Variants in BMF observed in about 807,000 individuals in gnomAD.
BMF encodes Bcl2 modifying factor, also known as bcl-2-modifying factor.
A neutral mutation model predicts 22.0 loss-of-function variants in BMF; 10 were observed. The ratio of observed to expected loss-of-function variants is 0.45; its 90% CI spans 0.28 to 0.77. The LOEUF (loss-of-function observed/expected upper bound fraction) is 0.77, where lower values mean the gene tolerates loss of function less well. BMF is among the 30% of genes least tolerant of loss of function. The pLI is 0.13. For synonymous variants in BMF, 87 were observed against 88.1 expected, an observed-to-expected ratio of 0.99 and a Z score of 0.07; for missense variants, 206 against 226.8, an observed-to-expected ratio of 0.91 and a Z score of 0.59.
Position 40,091,579 on chromosome 15 carries a change from A to T in BMF, c.*208T>A, listed in dbSNP as rs1178144182. 5.7e-6 allele frequency: 3 copies of T among 529,152 alleles called. No homozygotes were observed. The highest frequency in any genetic ancestry group is 1.0e-5 in the Non-Finnish European group (3 of 295,614). 32.8% of individuals were successfully genotyped at this position (529,152 alleles called of 1,614,324 possible). ...CCTCTCCTTCAACAGTGTTTGACAA[A>T]GGCCCCCATTCCAGGTCAAGGGCCT... is the stretch of plus-strand genomic sequence containing the variant. On this transcript the variant is annotated 3_prime_UTR_variant, in exon 5 of 5. Coordinates refer to ENST00000354670, the MANE Select transcript of BMF (RefSeq NM_001003940.2).
At chr15:40,099,013 G>A (rs1298077140) in intron 4 of BMF, among the ~76,000 whole-genome samples, 6 of 152,178 alleles carry the variant, frequency 3.9e-5, no homozygotes, top group Non-Finnish European at 5.9e-5. Flanking sequence ...CTGGCTCTCC[G>A]CAGTCCCTCC....
intron 4 of BMF, among the ~76,000 whole-genome samples, chr15:40,101,889 G>C (rs987463357): frequency 3.3e-5 from 5 of 152,152 alleles, no homozygotes; most frequent in Non-Finnish European, 7.3e-5. Context: ...GCTAGAAAAG[G>C]CTCACTGGTC....
Position 40,106,382 on chromosome 15 carries a change from C to G in BMF, c.-5-291G>C, listed in dbSNP as rs2036588126. On this transcript the variant is annotated intron_variant, in intron 2 of 4. Transcript: ENST00000354670. The surrounding 1 kb of genome is among the most constrained non-coding windows in gnomAD (Gnocchi z 4.1). ...CCTAGGCCGGTCACAAAGTTTGACT[C>G]TGAGGGTTGTGAGCAATAGCAGGAG... The G allele has an allele frequency of 3.1e-6, 1 of 324,968 alleles. No individual in the cohort carries two copies. Among genetic ancestry groups the G allele is most frequent in the Non-Finnish European group, 5.7e-6 (1 of 176,092 alleles). 20.1% of individuals were successfully genotyped at this position (324,968 alleles called of 1,614,324 possible). A position where few individuals can be genotyped will look rare whatever the true frequency, so the allele number is the denominator to read the frequency against.
At chr15:40,093,055 G>C (rs961552266) in intron 4 of BMF, among the ~76,000 whole-genome samples, 5 of 152,242 alleles carry the variant, frequency 3.3e-5, no homozygotes, top group Non-Finnish European at 5.9e-5. Context: ...CTCCTGGTCA[G>C]ATGGGAAGAG....
At chr15:40,092,490 C>G (rs1303346159) in intron 4 of BMF, among the ~76,000 whole-genome samples, 1 of 152,178 alleles carries the variant, frequency 6.6e-6, no homozygotes. Flanking sequence ...TGTGCGCCCG[C>G]CCGCTCTCCC....
intron 4 of BMF, 145 bp from the exon 5 acceptor site, chr15:40,092,033 GGGGA>G: frequency 1.6e-6 from 1 of 642,972 alleles, no homozygotes; most frequent in Non-Finnish European, 2.7e-6. Context: ...CGGGGAGGAG[GGGGA>G]GGTGAAAGAG....
intron 3 of BMF, among the ~76,000 whole-genome samples, 199 bp downstream of exon 3, chr15:40,105,596 G>A (rs2036569531): frequency 6.6e-6 from 1 of 152,220 alleles, no homozygotes; most frequent in African/African-American, 2.4e-5. Context: ...TCCAGGAGGG[G>A]ACAATTTGCC....
At chr15:40,095,379 A>T (rs1369213436) in intron 4 of BMF, among the ~76,000 whole-genome samples, 1 of 152,246 alleles carries the variant, frequency 6.6e-6, no homozygotes, top group Non-Finnish European at 1.5e-5. Flanking sequence ...GTTGGCCTTC[A>T]CTGAACAGGA....
rs1272045609 is a variant in BMF, at chr15:40,102,155, G to A, written c.453+2025C>T. Among the ~76,000 whole-genome samples, 12 of 152,286 alleles carry A rather than the reference G, an allele frequency of 7.9e-5. 1 individual carries two copies. The South Asian group carries it at 1.7e-3, about 21-fold the overall frequency. ...CAGCAAAAAGCAGGGCAAGGCAGGC[G>A]CAGTGGCTCACGCCTGTAGTCCCAG... On this transcript the variant is annotated intron_variant, in intron 4 of 4. Coordinates refer to ENST00000354670, the MANE Select transcript of BMF (RefSeq NM_001003940.2).
intron 4 of BMF, among the ~76,000 whole-genome samples, chr15:40,093,414 A>AGGGT (rs1441920246): frequency 2.0e-5 from 3 of 152,242 alleles, no homozygotes; most frequent in Non-Finnish European, 4.4e-5. Context: ...TGGCAGACAG[A>AGGGT]GGGTGGGGAG....
At position 40,106,403 on chromosome 15, in the gene BMF, A is replaced by G. The variant is rs1003342573; in HGVS notation, c.-5-312T>C. On this transcript the variant is annotated intron_variant, in intron 2 of 4. Coordinates refer to ENST00000354670, the MANE Select transcript of BMF (RefSeq NM_001003940.2). This position sits in a 1 kb window ranked among gnomAD's most constrained non-coding sequence, Gnocchi z 4.1. ...GACTCTGAGGGTTGTGAGCAATAGCAGGAGTAGAATCAGCAGCTATATGCA... is the reference window on the plus strand; with the variant it reads ...GACTCTGAGGGTTGTGAGCAATAGCGGGAGTAGAATCAGCAGCTATATGCA... 4 of 288,520 alleles carry G rather than the reference A, an allele frequency of 1.4e-5. No homozygotes were observed. The highest frequency in any genetic ancestry group is 2.6e-5 in the Non-Finnish European group (4 of 152,936). 17.9% of individuals were successfully genotyped at this position (288,520 alleles called of 1,614,324 possible).
At chr15:40,093,935 G>A (rs2036301789) in intron 4 of BMF, among the ~76,000 whole-genome samples, 1 of 152,194 alleles carries the variant, frequency 6.6e-6, no homozygotes, top group South Asian at 2.1e-4. Flanking sequence ...ACATTATCAT[G>A]CCCATTACTT....
rs748823210 is a variant in BMF at position 40,091,854 on chromosome 15, A to T, written c.488T>A (p.Ile163Asn). 4 of 1,611,204 alleles carry T rather than the reference A, an allele frequency of 2.5e-6. No individual in the cohort carries two copies. The highest frequency in any genetic ancestry group is 3.4e-6 in the Non-Finnish European group (4 of 1,178,922). The change falls in exon 5 of 5, where the codon ATC becomes AAC. Residue 163 changes from isoleucine (I) to asparagine (N), a missense_variant. Transcript: ENST00000354670. Reference protein sequence around the residue: ...QQNQNRVWWQILLFLHNLALN... With the variant: ...QQNQNRVWWQNLLFLHNLALN... ...AGCAAGGTTGTGCAGGAAGAGGAGG[A>T]TCTGCCACCACACACGATTTTGGTT...
chr15:40,089,473 A>G lies in BMF; in HGVS notation c.*2314T>C, dbSNP rs2036194561. ...GTGAGTGAGTTCCTGGCTTTGCATAAGATGGAGACAGTGCAGTCAGACCAC... is the reference window on the plus strand; with the variant it reads ...GTGAGTGAGTTCCTGGCTTTGCATAGGATGGAGACAGTGCAGTCAGACCAC... On this transcript the variant is annotated 3_prime_UTR_variant, in exon 5 of 5. Coordinates refer to ENST00000354670, the MANE Select transcript of BMF (RefSeq NM_001003940.2). 6.6e-6 allele frequency: 1 copy of G among 152,230 alleles called. No individual in the cohort carries two copies. Among genetic ancestry groups the G allele is most frequent in the Non-Finnish European group, 1.5e-5 (1 of 68,052 alleles). The allele number at this position is 152,230 out of a possible 1,614,324, so 9.4% of individuals were successfully genotyped here.
In BMF at chr15:40,096,544, G is replaced by A. The variant is rs181369764; in HGVS notation, c.454-4656C>T. Among the ~76,000 whole-genome samples, 124 of 152,306 alleles carry A rather than the reference G, an allele frequency of 8.1e-4. 1 individual carries two copies. The highest frequency in any genetic ancestry group is 2.7e-3 in the African/African-American group (111 of 41,564). On this transcript the variant is annotated intron_variant, in intron 4 of 4. Coordinates refer to ENST00000354670, the MANE Select transcript of BMF (RefSeq NM_001003940.2). ...TCCTTTCTTCTCATGTGATCCTCAC[G>A]ATAGGAAGAGCAGGTATTAATCAAC...
intron 4 of BMF, among the ~76,000 whole-genome samples, chr15:40,101,414 A>C (rs2036473663): frequency 6.6e-6 from 1 of 152,204 alleles, no homozygotes; most frequent in South Asian, 2.1e-4. Flanking sequence ...GACTTCCTGA[A>C]AACTAGTAGA....
At chr15:40,108,237 C>CACACACACAG (rs1470542223) in intron 2 of BMF, 22 bp downstream of exon 2, 13 of 154,258 alleles carry the variant, frequency 8.4e-5, no homozygotes, top group African/African-American at 3.1e-4. Context: ...CACACACACA[C>CACACACACAG]ACACACACAC....
In BMF at chr15:40,105,806, C is replaced by T. The variant is rs575806674; in HGVS notation, c.281G>A (p.Arg94Gln). The change falls in exon 3 of 5, where the codon CGA becomes CAA. Residue 94 changes from arginine to glutamine, a missense_variant. Coordinates refer to ENST00000354670, the MANE Select transcript of BMF (RefSeq NM_001003940.2). ...LPCGVTEEPQRLFYGNAGYRL... is the reference protein window; with the variant it reads ...LPCGVTEEPQQLFYGNAGYRL... ...CTGAGAGCACTCACCATAAAAGAGT[C>T]GCTGGGGTTCCTCAGTCACCCCACA... 8 of 1,607,018 alleles carry T rather than the reference C, an allele frequency of 5.0e-6. No individual in the cohort carries two copies. The highest frequency in any genetic ancestry group is 2.7e-5 in the African/African-American group (2 of 74,922).
At chr15:40,094,269 C>T (rs1167280664) in intron 4 of BMF, among the ~76,000 whole-genome samples, 1 of 152,198 alleles carries the variant, frequency 6.6e-6, no homozygotes. Flanking sequence ...CTCCCATCAT[C>T]TGGGAGCGTT....
Sources: gnomAD v4.1 joint callset for allele counts (sites outside exome capture counted in the v4.1 genomes callset) on GRCh38, gnomAD v4.1.1 for gene constraint, Gnocchi (gnomAD v3.1) non-coding constraint, MANE v1.5 for transcripts, NCBI Gene and HGNC (gene_info 2026-07-23, HGNC 2026-07-21) for gene names.